Variants in HIKESHI observed in about 807,000 individuals in gnomAD.
HIKESHI encodes protein Hikeshi.
In HIKESHI, 13 loss-of-function variants were observed where a neutral mutation model predicts 25.7. The ratio of observed to expected loss-of-function variants is 0.51; its 90% confidence interval spans 0.33 to 0.80. The LOEUF is 0.80. Ranked by LOEUF, HIKESHI falls within the 30% of genes least tolerant of loss-of-function variation. The pLI, the probability that HIKESHI is intolerant of heterozygous loss-of-function variation, is 0.02. For missense variants in HIKESHI, 174 were observed against 229.5 expected (o/e 0.76, Z 1.56); for synonymous variants, 76 against 78.7 (o/e 0.97, Z 0.18).
chr11:86,303,464 A>C, intron 1 of HIKESHI: 1 of 955,914 alleles, frequency 1.0e-6, no homozygotes, highest in Non-Finnish European at 1.2e-6. Flanking sequence ...AATCCTGGTG[A>C]GATAATTTTG....
chr11:86,319,161 C>CT (rs1947077646), intron 2 of HIKESHI, among the ~76,000 whole-genome samples: 1 of 149,864 alleles, frequency 6.7e-6, no homozygotes, highest in South Asian at 2.1e-4. Flanking sequence ...ATCCTCTTGC[C>CT]TTGGCCTTCC....
chr11:86,314,952 G>A (rs1423454279), intron 2 of HIKESHI, among the ~76,000 whole-genome samples: 4 of 152,218 alleles, frequency 2.6e-5, no homozygotes, highest in Non-Finnish European at 4.4e-5. Flanking sequence ...AAATGTTTGT[G>A]TTGCAAGCTA....
intron 3 of HIKESHI, 171 bp from the exon 4 acceptor site, chr11:86,344,432 T>G (rs1593883706): frequency 2.2e-6 from 1 of 452,352 alleles, no homozygotes; most frequent in South Asian, 6.2e-5. Context: ...CCTCCCAAAG[T>G]TTTGGGATTA....
chr11:86,308,455 G>A (rs1186569010), intron 2 of HIKESHI, among the ~76,000 whole-genome samples: 1 of 147,210 alleles, frequency 6.8e-6, no homozygotes, highest in Non-Finnish European at 1.5e-5. Context: ...AAAGCAAATA[G>A]AATAGAAGTA....
chr11:86,307,910 TTA>T (rs1434172689), intron 2 of HIKESHI, among the ~76,000 whole-genome samples: 1 of 123,506 alleles, frequency 8.1e-6, no homozygotes, highest in Non-Finnish European at 1.6e-5. Context: ...AAAATATATA[TTA>T]TGTGTAATAT....
intron 2 of HIKESHI, among the ~76,000 whole-genome samples, chr11:86,320,903 A>G (rs898691115): frequency 6.6e-6 from 1 of 151,990 alleles, no homozygotes; most frequent in Non-Finnish European, 1.5e-5. Flanking sequence ...ACAGTCATTC[A>G]TGTTATGTCG....
At position 86,318,303 on chromosome 11, in the gene HIKESHI, CA is replaced by C. The variant is rs71040230; in HGVS notation, c.268+11841del. 1.3e-3 allele frequency among the ~76,000 whole-genome samples: 47 copies of C among 35,674 alleles called. 1 individual carries two copies. Among genetic ancestry groups the C allele is most frequent in the East Asian group, 5.0e-3 (6 of 1,198 alleles). 23.4% of individuals were successfully genotyped at this position (35,674 alleles called of 152,430 possible). A position where few individuals can be genotyped will look rare whatever the true frequency, so the allele number is the denominator to read the frequency against. On this transcript the variant is annotated intron_variant, in intron 2 of 4. Transcript: ENST00000278483. ...TGGGCGACAGAGCAAGACTCCGTCT[CA>C]AAAAAAAAAAAAAAAAAAATCCTGA...
chr11:86,311,977 C>T (rs1946846461), intron 2 of HIKESHI, among the ~76,000 whole-genome samples: 1 of 152,080 alleles, frequency 6.6e-6, no homozygotes, highest in African/African-American at 2.4e-5. Context: ...GCTTTACCTC[C>T]AACTATGTGG....
chr11:86,327,714 A>G (rs1947319713), intron 2 of HIKESHI, among the ~76,000 whole-genome samples: 1 of 152,200 alleles, frequency 6.6e-6, no homozygotes, highest in Admixed American at 6.5e-5. Context: ...ACCGCTTTCA[A>G]ACAGGTATAT....
At chr11:86,336,853 T>TC (rs1947576257) in intron 2 of HIKESHI, among the ~76,000 whole-genome samples, 2 of 151,832 alleles carry the variant, frequency 1.3e-5, no homozygotes, top group African/African-American at 4.8e-5. Context: ...CATGCAAGGA[T>TC]CCTTGCTAAG....
At chr11:86,319,080 T>C (rs73513972) in intron 2 of HIKESHI, among the ~76,000 whole-genome samples, 2,322 of 151,644 alleles carry the variant, frequency 0.015, 64 homozygotes, top group African/African-American at 0.052. Context: ...CCACTTTGGC[T>C]AACTTATTTT....
At chr11:86,334,425 G>C (rs74431191) in intron 2 of HIKESHI, among the ~76,000 whole-genome samples, 430 of 152,048 alleles carry the variant, frequency 2.8e-3, no homozygotes, top group African/African-American at 1.0e-2. Context: ...CTTTGAGAAA[G>C]AGTCTTAAAA....
intron 2 of HIKESHI, among the ~76,000 whole-genome samples, chr11:86,318,303 C>CAAAAAAAAAAAAAGAAAAAAAAA (rs1947046453): frequency 2.8e-5 from 1 of 35,680 alleles, no homozygotes; most frequent in African/African-American, 1.1e-4. Context: ...GACTCCGTCT[C>CAAAAAAAAAAAAAGAAAAAAAAA]AAAAAAAAAA....
intron 1 of HIKESHI, among the ~76,000 whole-genome samples, chr11:86,304,652 A>T (rs1946573501): frequency 6.6e-6 from 1 of 151,806 alleles, no homozygotes. Context: ...AGTAGCTGAG[A>T]CTACAGGCAT....
At chr11:86,317,072 A>G (rs1240216821) in intron 2 of HIKESHI, among the ~76,000 whole-genome samples, 2 of 152,040 alleles carry the variant, frequency 1.3e-5, no homozygotes, top group Non-Finnish European at 2.9e-5. Flanking sequence ...GATTACAGGC[A>G]TGAGCCACCA....
At chr11:86,314,531 C>G (rs550782643) in intron 2 of HIKESHI, among the ~76,000 whole-genome samples, 1 of 152,206 alleles carries the variant, frequency 6.6e-6, no homozygotes, top group African/African-American at 2.4e-5. Flanking sequence ...ATGAGAATCG[C>G]TTGAACCCAG....
chr11:86,306,950 A>G (rs544744213), intron 2 of HIKESHI, among the ~76,000 whole-genome samples: 1 of 150,738 alleles, frequency 6.6e-6, no homozygotes, highest in South Asian at 2.1e-4. Flanking sequence ...CAGTGAGCCA[A>G]GATCCCACCA....
chr11:86,328,907 TG>T (rs1393657029), intron 2 of HIKESHI, among the ~76,000 whole-genome samples: 3 of 33,944 alleles, frequency 8.8e-5, no homozygotes, highest in Admixed American at 3.2e-4. Context: ...TTTTGTGTTT[TG>T]TGTGTGTGTG....
chr11:86,311,563 G>T (rs1246079806), intron 2 of HIKESHI, among the ~76,000 whole-genome samples: 1 of 152,144 alleles, frequency 6.6e-6, no homozygotes, highest in African/African-American at 2.4e-5. Context: ...ATCTCCTTCA[G>T]TTCTGCTCTG....
Sources: allele counts gnomAD v4.1 joint callset (sites outside exome capture counted in the v4.1 genomes callset), GRCh38; gene constraint gnomAD v4.1.1; transcripts MANE v1.5; gene names NCBI Gene and HGNC (gene_info 2026-07-23, HGNC 2026-07-21).